Variants in ADAM10 observed in about 807,000 individuals in gnomAD.
ADAM10 encodes the protein disintegrin and metalloproteinase domain-containing protein 10.
A neutral mutation model predicts 90.1 loss-of-function variants in ADAM10; 17 were observed. The ratio of observed to expected loss-of-function variants is 0.19; its 90% CI spans 0.13 to 0.28. The LOEUF (loss-of-function observed/expected upper bound fraction) is 0.28. ADAM10 is among the 10% of genes least tolerant of loss of function. ADAM10 has a pLI of 1.00. For missense variants in ADAM10, 610 were observed against 914.3 expected (o/e 0.67, Z 4.29); for synonymous variants, 310 against 298.6 (o/e 1.04, Z -0.40).
intron 1 of ADAM10, among the ~76,000 whole-genome samples, chr15:58,718,850 T>A (rs567970733): frequency 6.6e-6 from 1 of 152,190 alleles, no homozygotes; most frequent in East Asian, 1.9e-4. Context: ...GCCACTTTGG[T>A]CTCCCCTGAC....
rs1394763481 is a variant in ADAM10 at position 58,658,070 on chromosome 15, G to A, written c.585+7027C>T. Among the ~76,000 whole-genome samples the A allele has an allele frequency of 3.9e-5, 6 of 152,014 alleles. No individual in the cohort carries two copies. The East Asian group carries it at 1.2e-3, about 29-fold the overall frequency. On this transcript the variant is annotated intron_variant, in intron 5 of 15. Transcript: ENST00000260408. Reference sequence around the variant, plus strand: ...TCAGTTTATACATGTTTTTCATAGGGAATTTTTGTGCCTTGAGAAATTGTT... The same window carrying A: ...TCAGTTTATACATGTTTTTCATAGGAAATTTTTGTGCCTTGAGAAATTGTT...
In ADAM10 at chr15:58,596,046, G is replaced by A. The variant is rs1271985814; in HGVS notation, c.*1501C>T. 1 of 150,936 alleles carries A rather than the reference G, an allele frequency of 6.6e-6. No individual in the cohort carries two copies. Among genetic ancestry groups the A allele is most frequent in the Non-Finnish European group, 1.5e-5 (1 of 67,798 alleles). The allele number at this position is 150,936 out of a possible 1,614,324, so 9.3% of individuals were successfully genotyped here. A position where few individuals can be genotyped will look rare whatever the true frequency, so the allele number is the denominator to read the frequency against. On this transcript the variant is annotated 3_prime_UTR_variant, in exon 16 of 16. Transcript: ENST00000260408. ...CTAGCATTTTTGGCCTTGCTGGCTT[G>A]CGTCACATTATGAGAATGATTGTGT...
intron 1 of ADAM10, among the ~76,000 whole-genome samples, chr15:58,728,078 T>A (rs1247429638): frequency 6.6e-6 from 1 of 152,220 alleles, no homozygotes; most frequent in African/African-American, 2.4e-5. Flanking sequence ...GTCACAAAGA[T>A]AGACCTTAAT....
chr15:58,633,337 T>C lies in ADAM10; in HGVS notation c.1035A>G (p.Glu345=). Residue 345 remains glutamate (E), a synonymous_variant, in exon 9 of 16, where the codon GAA becomes GAG. Coordinates refer to ENST00000260408, the MANE Select transcript of ADAM10 (RefSeq NM_001110.4). The part of the protein sequence containing the change: ...APSGSSGGIC[E]KSKLYSDGKK... ...TACCATCTGAATAGAGTTTACTTTT[T>C]TCACATATTCCTCCAGAGCTTCCTA... 6.2e-7 allele frequency: 1 copy of C among 1,613,728 alleles called. No homozygotes were observed. The highest frequency in any genetic ancestry group is 8.5e-7 in the Non-Finnish European group (1 of 1,179,764).
chr15:58,621,821 C>T (rs898652217), intron 10 of ADAM10, among the ~76,000 whole-genome samples, 200 bp from the exon 11 acceptor site: 33 of 152,268 alleles, frequency 2.2e-4, no homozygotes, highest in Admixed American at 1.8e-3. Context: ...ATCTTGGGGT[C>T]TTCAGTTTCT....
chr15:58,641,844 T>C (rs1163668928), intron 7 of ADAM10, among the ~76,000 whole-genome samples: 1 of 152,056 alleles, frequency 6.6e-6, no homozygotes, highest in Non-Finnish European at 1.5e-5. Context: ...ATGTTGGCAG[T>C]AAGAGGATGA....
In ADAM10 at chr15:58,749,514, T is replaced by G. The variant is rs1708977567; in HGVS notation, c.21A>C (p.Leu7Phe). 3.2e-6 allele frequency: 5 copies of G among 1,553,918 alleles called. No homozygotes were observed. Among genetic ancestry groups the G allele is most frequent in the Non-Finnish European group, 4.4e-6 (5 of 1,148,620 alleles). MVLLRV[L>F]ILLLSWAAGM... is the part of the protein sequence containing the mutation. The stretch of plus-strand genomic sequence containing the variant: ...CCGCCGCCCAGGAGAGGAGCAGAAT[T>G]AACACTCTCAGCAACACCATCTTCC... The change falls in exon 1 of 16, where the codon TTA becomes TTC. Residue 7 changes from leucine (L) to phenylalanine (F), a missense_variant. Coordinates refer to ENST00000260408, the MANE Select transcript of ADAM10 (RefSeq NM_001110.4).
At chr15:58,719,255 C>G (rs916165248) in intron 1 of ADAM10, among the ~76,000 whole-genome samples, 1 of 151,854 alleles carries the variant, frequency 6.6e-6, no homozygotes, top group East Asian at 1.9e-4. Context: ...ACCCAGGAGG[C>G]AGAGGTTGTA....
chr15:58,734,952 C>G (rs1899379592), intron 1 of ADAM10, among the ~76,000 whole-genome samples: 1 of 152,182 alleles, frequency 6.6e-6, no homozygotes, highest in African/African-American at 2.4e-5. Context: ...CCTTGTACTG[C>G]TTACTACCTC....
chr15:58,630,341 G>A (rs1896069488), intron 9 of ADAM10, among the ~76,000 whole-genome samples: 1 of 152,180 alleles, frequency 6.6e-6, no homozygotes, highest in African/African-American at 2.4e-5. Flanking sequence ...TGACTTCCTA[G>A]CGGAGGAAAG....
At chr15:58,665,511 A>G (rs1185256107) in intron 4 of ADAM10, among the ~76,000 whole-genome samples, 1 of 152,052 alleles carries the variant, frequency 6.6e-6, no homozygotes, top group Non-Finnish European at 1.5e-5. Context: ...CACCAAGAGA[A>G]TATCTATGTT....
At chr15:58,726,899 G>T (rs1433737647) in intron 1 of ADAM10, among the ~76,000 whole-genome samples, 1 of 151,050 alleles carries the variant, frequency 6.6e-6, no homozygotes, top group East Asian at 2.0e-4. Context: ...GAGGAGGGGA[G>T]GGGAGGGGAG....
chr15:58,594,171 A>C lies in ADAM10; in HGVS notation c.*3376T>G, dbSNP rs1376933256. 6.6e-6 allele frequency: 1 copy of C among 152,150 alleles called. No homozygotes were observed. Among genetic ancestry groups the C allele is most frequent in the Non-Finnish European group, 1.5e-5 (1 of 68,026 alleles). 9.4% of individuals were successfully genotyped at this position (152,150 alleles called of 1,614,324 possible). On this transcript the variant is annotated 3_prime_UTR_variant, in exon 16 of 16. Transcript: ENST00000260408. ...TGCTTTAAAACTACATCTGGCTTGC[A>C]CCCTGGTTTTGGGAAACCTTGACCC...
chr15:58,638,615 A>C (rs1339691663), intron 8 of ADAM10, among the ~76,000 whole-genome samples: 1 of 49,198 alleles, frequency 2.0e-5, no homozygotes, highest in Non-Finnish European at 3.0e-5. Context: ...ACTCTGTCTC[A>C]AAAAAAAAAA....
intron 1 of ADAM10, among the ~76,000 whole-genome samples, chr15:58,744,193 G>C (rs1161590177): frequency 3.4e-5 from 5 of 146,990 alleles, no homozygotes; most frequent in Non-Finnish European, 7.4e-5. Context: ...TACGATCCAG[G>C]CAACCTCAAT....
chr15:58,632,008 C>T (rs1477568791), intron 9 of ADAM10, among the ~76,000 whole-genome samples: 3 of 150,988 alleles, frequency 2.0e-5, no homozygotes, highest in Non-Finnish European at 4.5e-5. Flanking sequence ...TTTTAAGCTA[C>T]AAGTAGACAA....
chr15:58,607,851 T>C (rs1205734220), intron 14 of ADAM10, among the ~76,000 whole-genome samples: 3 of 152,094 alleles, frequency 2.0e-5, no homozygotes, highest in Non-Finnish European at 4.4e-5. Context: ...ACATGAAAGA[T>C]ACAGAAAATC....
At chr15:58,613,885 G>A (rs936653425) in intron 11 of ADAM10, among the ~76,000 whole-genome samples, 7 of 152,236 alleles carry the variant, frequency 4.6e-5, no homozygotes, top group African/African-American at 1.7e-4. Flanking sequence ...GGAGGCTGAG[G>A]TGGGAGGATC....
intron 14 of ADAM10, among the ~76,000 whole-genome samples, chr15:58,605,928 G>A (rs1027834812): frequency 3.9e-5 from 6 of 151,932 alleles, no homozygotes; most frequent in African/African-American, 1.2e-4. Context: ...GAACCTATAT[G>A]GTAACAAAAT....
Sources: allele counts gnomAD v4.1 joint callset (sites outside exome capture counted in the v4.1 genomes callset), GRCh38; gene constraint gnomAD v4.1.1; transcripts MANE v1.5; gene names NCBI Gene and HGNC (gene_info 2026-07-23, HGNC 2026-07-21).